Variants in CEP83 observed in about 807,000 individuals in gnomAD.
CEP83 encodes centrosomal protein of 83 kDa.
In CEP83, 70 loss-of-function variants were observed where a neutral mutation model predicts 101.9. That is an observed-to-expected ratio of 0.69 (90% confidence interval 0.57 to 0.84). CEP83 has a LOEUF of 0.84. CEP83 is among the 40% of genes least tolerant of loss of function. CEP83 has a pLI of 0.00. For synonymous variants in CEP83, 264 were observed against 267.9 expected (o/e 0.99, Z 0.14); for missense variants, 715 against 787.2 (o/e 0.91, Z 1.10).
chr12:94,355,362 A>G (rs2060410526), intron 11 of CEP83, among the ~76,000 whole-genome samples: 1 of 152,064 alleles, frequency 6.6e-6, no homozygotes, highest in South Asian at 2.1e-4. Flanking sequence ...GCATGGTGGC[A>G]GGTGCCTGTA....
At chr12:94,304,588 C>A (rs923916550), downstream of CEP83, among the ~76,000 whole-genome samples, 1 of 152,104 alleles carries the variant, frequency 6.6e-6, no homozygotes, top group African/African-American at 2.4e-5. Flanking sequence ...CTCCCCCTTC[C>A]CTGATTCCCC....
chr12:94,417,249 A>G (rs1593879739), intron 2 of CEP83, among the ~76,000 whole-genome samples: 1 of 152,014 alleles, frequency 6.6e-6, no homozygotes, highest in African/African-American at 2.4e-5. Flanking sequence ...AGCCCAGTTC[A>G]AGGCTGCAGT....
intron 8 of CEP83, among the ~76,000 whole-genome samples, chr12:94,372,500 T>C (rs2061350463): frequency 6.6e-6 from 1 of 152,220 alleles, no homozygotes; most frequent in African/African-American, 2.4e-5. Flanking sequence ...AATGTAATTA[T>C]AACCTGCTAT....
At chr12:94,343,082 T>C (rs1429314367) in intron 11 of CEP83, among the ~76,000 whole-genome samples, 1 of 151,790 alleles carries the variant, frequency 6.6e-6, no homozygotes, top group Non-Finnish European at 1.5e-5. Flanking sequence ...TATGTGTGTA[T>C]GTATGTCTGT....
At chr12:94,304,193 C>T, downstream of CEP83, 2 of 608,114 alleles carry the variant, frequency 3.3e-6, no homozygotes, top group Non-Finnish European at 5.9e-6. Context: ...ATGGGGGATC[C>T]TGGCACTGAG....
intron 14 of CEP83, among the ~76,000 whole-genome samples, chr12:94,321,563 C>G (rs1231825251): frequency 6.6e-6 from 1 of 152,148 alleles, no homozygotes; most frequent in Non-Finnish European, 1.5e-5. Context: ...GGTAGTTGTG[C>G]TACAGTTCCA....
chr12:94,453,169 C>T (rs969419257), intron 1 of CEP83, among the ~76,000 whole-genome samples: 1 of 152,078 alleles, frequency 6.6e-6, no homozygotes, highest in Admixed American at 6.6e-5. Flanking sequence ...CTTCTTTCTC[C>T]CCCTTCCTAT....
At chr12:94,367,057 C>T (rs2137003164) in intron 11 of CEP83, among the ~76,000 whole-genome samples, 2 of 151,988 alleles carry the variant, frequency 1.3e-5, no homozygotes, top group South Asian at 4.2e-4. Flanking sequence ...AGAATTCCAA[C>T]TAATAAATGA....
intron 2 of CEP83, among the ~76,000 whole-genome samples, chr12:94,418,577 G>T (rs1347486768): frequency 6.6e-6 from 1 of 152,148 alleles, no homozygotes; most frequent in Non-Finnish European, 1.5e-5. Flanking sequence ...CCTGTGCTTG[G>T]TGTATGATTC....
the CEP83 span, among the ~76,000 whole-genome samples, chr12:94,297,036 CA>C: frequency 1.3e-5 from 2 of 152,164 alleles, no homozygotes; most frequent in Non-Finnish European, 2.9e-5. Context: ...TAAGATGCAG[CA>C]GGGGGAAAAA....
chr12:94,357,827 T>C (rs905888207), intron 11 of CEP83, among the ~76,000 whole-genome samples: 1 of 152,172 alleles, frequency 6.6e-6, no homozygotes, highest in Non-Finnish European at 1.5e-5. Context: ...TCTACTTCTG[T>C]TCCCTGGAAA....
chr12:94,400,809 C>T, intron 6 of CEP83, 41 bp downstream of exon 6: 1 of 1,249,858 alleles, frequency 8.0e-7, no homozygotes, highest in Non-Finnish European at 1.0e-6. Flanking sequence ...ATTGTGTTGA[C>T]CAGAACAATA....
chr12:94,345,680 C>T (rs557699435), intron 11 of CEP83, among the ~76,000 whole-genome samples: 19 of 152,280 alleles, frequency 1.2e-4, no homozygotes, highest in African/African-American at 4.6e-4. Flanking sequence ...TCATAAGACC[C>T]GCATTTCTGA....
At chr12:94,293,712 G>A in the CEP83 span, among the ~76,000 whole-genome samples, 2 of 152,182 alleles carry the variant, frequency 1.3e-5, no homozygotes, top group Non-Finnish European at 2.9e-5. Context: ...TTGGATGTCT[G>A]GGCTCAAGTG....
downstream of CEP83, among the ~76,000 whole-genome samples, chr12:94,302,276 T>A (rs1185747244): frequency 2.6e-5 from 4 of 152,216 alleles, no homozygotes; most frequent in African/African-American, 9.6e-5. Flanking sequence ...TTTCCCAAGT[T>A]CACACCATGA....
rs1017013658 is a variant in CEP83, at chr12:94,411,642, C to T, written c.324+55G>A. 4.4e-6 allele frequency: 6 copies of T among 1,352,718 alleles called. No homozygotes were observed. In the African/African-American group the frequency reaches 5.9e-5, roughly 13 times the overall value. The allele number at this position is 1,352,718 out of a possible 1,614,324, so 83.8% of individuals were successfully genotyped here. On this transcript the variant is annotated intron_variant, in intron 4 of 16. Coordinates refer to ENST00000397809, the MANE Select transcript of CEP83 (RefSeq NM_016122.3). ...CATATTCACCAAAACTACTTACTTC[C>T]ACTACGTATCTGACTGCTTTTATAC... is the stretch of plus-strand genomic sequence containing the variant.
At chr12:94,312,841 C>T (rs895565598) in intron 15 of CEP83, 73 bp downstream of exon 15, 33 of 1,249,152 alleles carry the variant, frequency 2.6e-5, no homozygotes, top group Non-Finnish European at 3.1e-5. Flanking sequence ...AAAGAAGGTA[C>T]GTTATACTTA....
chr12:94,366,178 T>A (rs755270745), intron 11 of CEP83, among the ~76,000 whole-genome samples: 1 of 152,090 alleles, frequency 6.6e-6, no homozygotes. Context: ...TTTAGAACCA[T>A]GTAGACATTC....
At chr12:94,298,946 T>C in the CEP83 span, 147 of 692,304 alleles carry the variant, frequency 2.1e-4, no homozygotes, top group African/African-American at 2.6e-3. Context: ...AGTTTCTTAT[T>C]CTGTTACTAT....
Sources: allele counts gnomAD v4.1 joint callset (sites outside exome capture counted in the v4.1 genomes callset), GRCh38; gene constraint gnomAD v4.1.1; transcripts MANE v1.5; gene names NCBI Gene and HGNC (gene_info 2026-07-23, HGNC 2026-07-21).